IKBKE: variants seen among roughly 807,000 people sequenced by gnomAD.
The protein encoded by IKBKE is inhibitor of nuclear factor kappa-B kinase subunit epsilon.
IKBKE carries 45 observed loss-of-function variants against 92.1 expected under a neutral mutation model. That is an observed-to-expected ratio of 0.49 (90% CI 0.38 to 0.63). The LOEUF is 0.63. Among genes scored for constraint, IKBKE ranks in the 20% least tolerant of loss-of-function variants. The probability of loss-of-function intolerance (pLI) is 0.00; values close to 1 mark genes in which losing one functional copy is unlikely to be tolerated. For missense variants in IKBKE, 700 were observed against 932.8 expected (o/e 0.75, Z 3.25); for synonymous variants, 374 against 380.3 (o/e 0.98, Z 0.19).
intron 13 of IKBKE, 111 bp from the exon 14 acceptor site, chr1:206,484,886 C>T (rs572449875): frequency 1.4e-5 from 12 of 863,080 alleles, no homozygotes; most frequent in Non-Finnish European, 2.3e-5. Flanking sequence ...GGAGAGCCAC[C>T]AAGGCTGTCC....
Position 206,476,909 on chromosome 1 carries a change from C to A in IKBKE, c.701+71C>A. Reference sequence around the variant, plus strand: ...CTGGCCCTTCCCCCACCGGTCCTTGCTGTGTCTTCTGGTCCCCTCACACTC... The same window carrying A: ...CTGGCCCTTCCCCCACCGGTCCTTGATGTGTCTTCTGGTCCCCTCACACTC... On this transcript the variant is annotated intron_variant, in intron 7 of 21. Transcript: ENST00000581977. The surrounding 1 kb of genome is among the most constrained non-coding windows in gnomAD (Gnocchi z 5.1). 2 of 1,547,182 alleles carry A rather than the reference C, an allele frequency of 1.3e-6. No individual in the cohort carries two copies. The highest frequency in any genetic ancestry group is 8.9e-7 in the Non-Finnish European group (1 of 1,126,222).
rs1163773918 is a variant in IKBKE at position 206,487,240 on chromosome 1, G to A, written c.1617-674G>A. 1.3e-5 allele frequency among the ~76,000 whole-genome samples: 2 copies of A among 152,166 alleles called. No homozygotes were observed. Among genetic ancestry groups the A allele is most frequent in the Non-Finnish European group, 2.9e-5 (2 of 68,032 alleles). On this transcript the variant is annotated intron_variant, in intron 15 of 21. Coordinates refer to ENST00000581977, the MANE Select transcript of IKBKE (RefSeq NM_014002.4). This position sits in a 1 kb window ranked among gnomAD's most constrained non-coding sequence, Gnocchi z 5.3. ...GGAAGAACTTTTCCCAGACACTCCC[G>A]ACTTCTCAAACAAAGTGTTTGTTTC...
At chr1:206,482,266 G>A (rs1190762629) in intron 13 of IKBKE, among the ~76,000 whole-genome samples, 1 of 152,178 alleles carries the variant, frequency 6.6e-6, no homozygotes, top group Admixed American at 6.5e-5. Context: ...GAGGTGAGGA[G>A]GGGAGGAAAG....
intron 12 of IKBKE, 139 bp from the exon 13 acceptor site, chr1:206,480,308 T>C (rs367989426): frequency 5.3e-6 from 1 of 188,312 alleles, no homozygotes; most frequent in East Asian, 1.4e-4. Context: ...GGGCTGTAGG[T>C]GGAGGCAGGC....
In IKBKE at chr1:206,493,267, T is replaced by C; in HGVS notation, c.1934T>C (p.Leu645Pro). ...GACCAAAGTATGGCTTCCCTGCAGCTCCTGGAAGAGCTATCTCACCAGCTC... is the reference window on the plus strand; with the variant it reads ...GACCAAAGTATGGCTTCCCTGCAGCCCCTGGAAGAGCTATCTCACCAGCTC... ...AQGVQESLSK[L>P]LEELSHQLLQ... The change falls in exon 20 of 22, where the codon CTC becomes CCC. Residue 645 changes from leucine to proline, a missense_variant and splice_region_variant. By Grantham distance (98) the Leu-to-Pro change is moderately conservative. Transcript: ENST00000581977. 6.2e-7 allele frequency: 1 copy of C among 1,613,346 alleles called. No homozygotes were observed. Among genetic ancestry groups the C allele is most frequent in the Non-Finnish European group, 8.5e-7 (1 of 1,179,436 alleles).
At position 206,476,327 on chromosome 1, in the gene IKBKE, A is replaced by G. The variant is rs782752327; in HGVS notation, c.505A>G (p.Lys169Glu). ...GAARELDDDE[K>E]FVSVYGTEEY... is the part of the protein sequence containing the mutation. Reference sequence around the variant, plus strand: ...TGCCCGGGAGCTGGATGATGATGAGAAGTTCGTCTCGGTCTATGGGACTGA... The same window carrying G: ...TGCCCGGGAGCTGGATGATGATGAGGAGTTCGTCTCGGTCTATGGGACTGA... The change falls in exon 6 of 22, where the codon AAG (lysine) becomes GAG (glutamate). Residue 169 changes from lysine (K) to glutamate (E), a missense_variant. By Grantham distance (56) the Lys-to-Glu change is moderately conservative. Transcript: ENST00000581977. This position sits in a 1 kb window ranked among gnomAD's most constrained non-coding sequence, Gnocchi z 5.1. 8 of 1,613,706 alleles carry G rather than the reference A, an allele frequency of 5.0e-6. No homozygotes were observed. In the East Asian group the frequency reaches 1.8e-4, roughly 36 times the overall value.
Position 206,478,695 on chromosome 1 carries a change from G to A in IKBKE, c.993-248G>A, listed in dbSNP as rs1665204881. Among the ~76,000 whole-genome samples the A allele has an allele frequency of 1.3e-5, 2 of 152,102 alleles. No homozygotes were observed. Among genetic ancestry groups the A allele is most frequent in the African/African-American group, 4.8e-5 (2 of 41,406 alleles). Reference sequence around the variant, plus strand: ...TTTAATGGCAGTGTGACAGGAAGAGGTGCAGAGGCAAAGGCTGGGTATTAG... The same window carrying A: ...TTTAATGGCAGTGTGACAGGAAGAGATGCAGAGGCAAAGGCTGGGTATTAG... On this transcript the variant is annotated intron_variant, in intron 9 of 21. Coordinates refer to ENST00000581977, the MANE Select transcript of IKBKE (RefSeq NM_014002.4). This position sits in a 1 kb window ranked among gnomAD's most constrained non-coding sequence, Gnocchi z 4.8.
chr1:206,477,901 T>C (rs1553385879), intron 8 of IKBKE, 42 bp downstream of exon 8: 2 of 1,310,124 alleles, frequency 1.5e-6, no homozygotes, highest in African/African-American at 2.9e-5. Context: ...GAGTCTGAGC[T>C]GGGTGTCACT....
rs191951490 is a variant in IKBKE, at chr1:206,475,647, G to A, written c.359-534G>A. Among the ~76,000 whole-genome samples, 19 of 150,770 alleles carry A rather than the reference G, an allele frequency of 1.3e-4. No homozygotes were observed. The East Asian group carries it at 3.5e-3, about 28-fold the overall frequency. On this transcript the variant is annotated intron_variant, in intron 5 of 21. Transcript: ENST00000581977. ...AGCCACTTGGGAGGCTGAGGCATGA[G>A]AATCGATTGAACCTGGGAGGCAGAG...
rs1452071599 is a variant in IKBKE at position 206,474,576 on chromosome 1, G to A, written c.228+105G>A. 38 of 1,246,932 alleles carry A rather than the reference G, an allele frequency of 3.0e-5. 1 individual carries two copies. In the Admixed American group the frequency reaches 4.0e-4, roughly 13 times the overall value. The allele number at this position is 1,246,932 out of a possible 1,614,324, so 77.2% of individuals were successfully genotyped here. On this transcript the variant is annotated intron_variant, in intron 4 of 21. Transcript: ENST00000581977. ...AGATTTGGTCCCATGCTCATCAGCAGGTCAGAGACAGCAGGCAAATTGCAG... is the reference window on the plus strand; with the variant it reads ...AGATTTGGTCCCATGCTCATCAGCAAGTCAGAGACAGCAGGCAAATTGCAG...
intron 10 of IKBKE, 94 bp downstream of exon 10, chr1:206,479,227 T>A: frequency 9.1e-7 from 1 of 1,097,802 alleles, no homozygotes; most frequent in Non-Finnish European, 1.3e-6. Flanking sequence ...CTTTTCTTTG[T>A]GGGTGTTTCT....
At chr1:206,473,377 C>T in intron 3 of IKBKE, 63 bp downstream of exon 3, 2 of 1,249,872 alleles carry the variant, frequency 1.6e-6, no homozygotes, top group South Asian at 2.6e-5. Context: ...GCCTCAGAAG[C>T]TGGCCCAGTC....
intron 12 of IKBKE, 132 bp downstream of exon 12, chr1:206,480,245 T>A (rs1195713994): frequency 6.0e-6 from 1 of 166,480 alleles, no homozygotes; most frequent in Non-Finnish European, 1.2e-5. Flanking sequence ...GAGGAGGGGG[T>A]GGGCAGGAGA....
Position 206,490,130 on chromosome 1 carries a change from G to T in IKBKE, c.1694-689G>T, listed in dbSNP as rs1665871448. 6.6e-6 allele frequency among the ~76,000 whole-genome samples: 1 copy of T among 152,190 alleles called. No individual in the cohort carries two copies. The highest frequency in any genetic ancestry group is 2.4e-5 in the African/African-American group (1 of 41,448). ...ACTGCACACATGCTCTTAGCTGGCC[G>T]AGTGCAGGGCCCAGGAGGGGGACTC... On this transcript the variant is annotated intron_variant, in intron 16 of 21. Transcript: ENST00000581977. This position sits in a 1 kb window ranked among gnomAD's most constrained non-coding sequence, Gnocchi z 5.2.
At position 206,496,289 on chromosome 1, in the gene IKBKE, C is replaced by A; in HGVS notation, c.*144C>A. 1.4e-6 allele frequency: 1 copy of A among 698,322 alleles called. No individual in the cohort carries two copies. Among genetic ancestry groups the A allele is most frequent in the South Asian group, 1.6e-5 (1 of 60,940 alleles). 43.3% of individuals were successfully genotyped at this position (698,322 alleles called of 1,614,324 possible). A position where few individuals can be genotyped will look rare whatever the true frequency, so the allele number is the denominator to read the frequency against. On this transcript the variant is annotated 3_prime_UTR_variant, in exon 22 of 22. Transcript: ENST00000581977. ...TGGCTGCTGGCCAGGATGTCGCCAGCATTACCTTCCACTGCCTTTCTCCCT... is the reference window on the plus strand; with the variant it reads ...TGGCTGCTGGCCAGGATGTCGCCAGAATTACCTTCCACTGCCTTTCTCCCT...
chr1:206,490,288 C>G lies in IKBKE; in HGVS notation c.1694-531C>G, dbSNP rs781814029. On this transcript the variant is annotated intron_variant, in intron 16 of 21. Coordinates refer to ENST00000581977, the MANE Select transcript of IKBKE (RefSeq NM_014002.4). This position sits in a 1 kb window ranked among gnomAD's most constrained non-coding sequence, Gnocchi z 5.2. ...GGGCAGCATCTCCCTAGTGCATGAG[C>G]CTTAGGGCCCTTCAGGAGGCAGCCA... 1.3e-5 allele frequency among the ~76,000 whole-genome samples: 2 copies of G among 152,222 alleles called. No homozygotes were observed. The highest frequency in any genetic ancestry group is 2.9e-5 in the Non-Finnish European group (2 of 68,042).
chr1:206,472,623 C>T (rs1276923227), intron 2 of IKBKE, among the ~76,000 whole-genome samples: 1 of 151,778 alleles, frequency 6.6e-6, no homozygotes, highest in Non-Finnish European at 1.5e-5. Context: ...TCTGAAGCAG[C>T]CCCATCTCTC....
Position 206,487,771 on chromosome 1 carries a change from A to G in IKBKE, c.1617-143A>G. 1 of 635,172 alleles carries G rather than the reference A, an allele frequency of 1.6e-6. No homozygotes were observed. The highest frequency in any genetic ancestry group is 2.9e-6 in the Non-Finnish European group (1 of 348,852). 39.3% of individuals were successfully genotyped at this position (635,172 alleles called of 1,614,324 possible). ...TCTCAAATAAGCCTAGAGACGGGAC[A>G]GCCACCTCCACTCCCAGACTGATCC... On this transcript the variant is annotated intron_variant, in intron 15 of 21. Coordinates refer to ENST00000581977, the MANE Select transcript of IKBKE (RefSeq NM_014002.4). This position sits in a 1 kb window ranked among gnomAD's most constrained non-coding sequence, Gnocchi z 5.3.
chr1:206,480,612 C>CAAA, intron 13 of IKBKE, 79 bp downstream of exon 13: 1 of 944,690 alleles, frequency 1.1e-6, no homozygotes, highest in Non-Finnish European at 1.5e-6. Context: ...TCCAACAATG[C>CAAA]ACCTCTTCTC....
Sources: allele counts gnomAD v4.1 joint callset (sites outside exome capture counted in the v4.1 genomes callset), GRCh38; gene constraint gnomAD v4.1.1; non-coding constraint Gnocchi (gnomAD v3.1); transcripts MANE v1.5; gene names NCBI Gene and HGNC (gene_info 2026-07-23, HGNC 2026-07-21).